Variants in TASP1 observed in about 807,000 individuals in gnomAD.
The protein encoded by TASP1 is threonine aspartase 1.
In TASP1, 16 loss-of-function variants were observed where a neutral mutation model predicts 56.6. The ratio of observed to expected loss-of-function variants is 0.28; its 90% CI spans 0.19 to 0.43. The LOEUF is 0.43. TASP1 is among the 20% of genes least tolerant of loss of function. TASP1 has a pLI of 1.00. For synonymous variants in TASP1, 179 were observed against 184.2 expected, an observed-to-expected ratio of 0.97 and a Z score of 0.23; for missense variants, 393 against 511.6, an observed-to-expected ratio of 0.77 and a Z score of 2.24.
At chr20:13,230,092 G>C in the TASP1 span, among the ~76,000 whole-genome samples, 2 of 152,088 alleles carry the variant, frequency 1.3e-5, no homozygotes, top group Admixed American at 1.3e-4. Context: ...TAATCTTTGA[G>C]GTTTGGGGGC....
intron 11 of TASP1, among the ~76,000 whole-genome samples, chr20:13,459,451 C>T (rs6079074): frequency 0.45 from 67,776 of 151,896 alleles, 15,271 homozygotes; most frequent in Non-Finnish European, 0.46. Context: ...CTTGCCCCAT[C>T]ATACTCACCT....
intron 4 of TASP1, among the ~76,000 whole-genome samples, chr20:13,599,844 C>T (rs1238818495): frequency 6.6e-6 from 1 of 150,488 alleles, no homozygotes; most frequent in Non-Finnish European, 1.5e-5. Flanking sequence ...ACTTTCTCAA[C>T]CTTCTCAACC....
intron 8 of TASP1, among the ~76,000 whole-genome samples, chr20:13,538,203 T>C (rs1029614187): frequency 1.3e-5 from 2 of 152,014 alleles, no homozygotes; most frequent in Non-Finnish European, 2.9e-5. Flanking sequence ...ACAGTTTCAC[T>C]ATGTTAGCCA....
intron 4 of TASP1, among the ~76,000 whole-genome samples, chr20:13,619,902 T>C (rs967865163): frequency 3.3e-5 from 5 of 152,194 alleles, no homozygotes; most frequent in African/African-American, 1.2e-4. Flanking sequence ...AAACTGACCT[T>C]TCCATTTTCT....
chr20:13,509,367 C>A (rs2044246373), intron 10 of TASP1, among the ~76,000 whole-genome samples: 1 of 152,006 alleles, frequency 6.6e-6, no homozygotes, highest in African/African-American at 2.4e-5. Context: ...GATAGTGTCA[C>A]AGGGTACGAA....
At chr20:13,395,032 T>C (rs550441115) in intron 13 of TASP1, among the ~76,000 whole-genome samples, 1 of 152,322 alleles carries the variant, frequency 6.6e-6, no homozygotes, top group Non-Finnish European at 1.5e-5. Flanking sequence ...TTCCTGTCAT[T>C]CATACTCAAT....
In TASP1 at chr20:13,436,800, A is replaced by C. The variant is rs12480970; in HGVS notation, c.986-1646T>G. ...ACCTACTTGAGAGACACCCCCAAGAAAACGTGTCCTCGACTTAGGGTAAGA... is the reference window on the plus strand; with the variant it reads ...ACCTACTTGAGAGACACCCCCAAGACAACGTGTCCTCGACTTAGGGTAAGA... On this transcript the variant is annotated intron_variant, in intron 11 of 13. Coordinates refer to ENST00000337743, the MANE Select transcript of TASP1 (RefSeq NM_017714.3). Among the ~76,000 whole-genome samples the C allele has an allele frequency of 3.3e-3, 495 of 152,292 alleles. 2 individuals carry two copies. Among genetic ancestry groups the C allele is most frequent in the East Asian group, 0.012 (60 of 5,184 alleles).
chr20:13,525,409 G>C (rs1394455939), intron 10 of TASP1, among the ~76,000 whole-genome samples: 5 of 152,036 alleles, frequency 3.3e-5, no homozygotes, highest in Non-Finnish European at 7.4e-5. Flanking sequence ...GAGTTTGAAA[G>C]GTCAGCTCCT....
chr20:13,244,767 A>G, the TASP1 span, among the ~76,000 whole-genome samples: 2 of 152,222 alleles, frequency 1.3e-5, no homozygotes, highest in Non-Finnish European at 2.9e-5. Flanking sequence ...CCTATGCACA[A>G]GTCAAAAGTG....
chr20:13,398,039 T>A (rs2041606800), intron 13 of TASP1, among the ~76,000 whole-genome samples: 1 of 152,142 alleles, frequency 6.6e-6, no homozygotes, highest in African/African-American at 2.4e-5. Flanking sequence ...AGCTGCCAGA[T>A]AACATGAATC....
intron 6 of TASP1, among the ~76,000 whole-genome samples, chr20:13,576,569 C>T (rs2046936262): frequency 6.6e-6 from 1 of 151,766 alleles, no homozygotes; most frequent in East Asian, 1.9e-4. Context: ...AAGTGAAGTA[C>T]CAGGTATAAA....
At chr20:13,407,393 G>C (rs1235244080) in intron 13 of TASP1, among the ~76,000 whole-genome samples, 1 of 152,164 alleles carries the variant, frequency 6.6e-6, no homozygotes, top group South Asian at 2.1e-4. Flanking sequence ...CCAAGCTACA[G>C]TATATATCTG....
At chr20:13,165,654 T>C in the TASP1 span, 1 of 152,204 alleles carries the variant, frequency 6.6e-6, no homozygotes, top group African/African-American at 2.4e-5. Context: ...ATTTGAACCT[T>C]GTTGGTGCAG....
intron 8 of TASP1, among the ~76,000 whole-genome samples, chr20:13,538,615 TC>T (rs2045503322): frequency 6.6e-6 from 1 of 152,160 alleles, no homozygotes. Context: ...CTTTCACATC[TC>T]TGAGTATCCT....
chr20:13,278,580 G>T, the TASP1 span, among the ~76,000 whole-genome samples: 1 of 152,220 alleles, frequency 6.6e-6, no homozygotes, highest in Non-Finnish European at 1.5e-5. Context: ...CCCCATGTCT[G>T]CCACTTACTA....
the TASP1 span, among the ~76,000 whole-genome samples, chr20:13,158,233 C>T: frequency 6.6e-5 from 10 of 152,196 alleles, no homozygotes; most frequent in South Asian, 2.1e-4. Flanking sequence ...TTTCTTTTAG[C>T]CTATTGCCAA....
At chr20:13,218,576 G>A in the TASP1 span, among the ~76,000 whole-genome samples, 1 of 152,142 alleles carries the variant, frequency 6.6e-6, no homozygotes, top group African/African-American at 2.4e-5. Context: ...ATATGAATAG[G>A]GTGCTCTGGA....
chr20:13,563,625 AT>A (rs1304758185), intron 7 of TASP1, among the ~76,000 whole-genome samples: 1 of 152,014 alleles, frequency 6.6e-6, no homozygotes, highest in Non-Finnish European at 1.5e-5. Flanking sequence ...AATCAATGTT[AT>A]ACACCAACAT....
At chr20:13,546,780 T>C (rs2045824396) in intron 8 of TASP1, among the ~76,000 whole-genome samples, 1 of 152,190 alleles carries the variant, frequency 6.6e-6, no homozygotes, top group Non-Finnish European at 1.5e-5. Context: ...TTGTGGGCTG[T>C]TTCAAGCTAT....
Sources: gnomAD v4.1 joint callset for allele counts (sites outside exome capture counted in the v4.1 genomes callset) on GRCh38, gnomAD v4.1.1 for gene constraint, MANE v1.5 for transcripts, NCBI Gene and HGNC (gene_info 2026-07-23, HGNC 2026-07-21) for gene names.